GAP43: variants seen among roughly 807,000 people sequenced by gnomAD.
The protein encoded by GAP43 is growth associated protein 43.
A neutral mutation model predicts 18.6 loss-of-function variants in GAP43; 6 were observed. The observed-to-expected ratio is 0.32, with a 90% confidence interval of 0.18 to 0.64. GAP43 has a LOEUF of 0.64. Ranked by LOEUF, GAP43 falls within the 30% of genes least tolerant of loss-of-function variation. GAP43 has a pLI of 0.78. For missense variants in GAP43, 292 were observed against 295.5 expected, an observed-to-expected ratio of 0.99 and a Z score of 0.09; for synonymous variants, 115 against 111.4, an observed-to-expected ratio of 1.03 and a Z score of -0.20.
Position 115,627,289 on chromosome 3 carries a change from A to C in GAP43, c.30+3570A>C, listed in dbSNP as rs375442718. 2.0e-5 allele frequency among the ~76,000 whole-genome samples: 3 copies of C among 149,050 alleles called. No individual in the cohort carries two copies. In the East Asian group the frequency reaches 5.8e-4, roughly 29 times the overall value. On this transcript the variant is annotated intron_variant, in intron 1 of 2. Coordinates refer to ENST00000305124, the MANE Select transcript of GAP43 (RefSeq NM_002045.4). ...GAGCCCTGATCTCTCCTGCTGACAG[A>C]GTCTGTGTAACTCTCTTCCCCACCC...
At chr3:115,696,013 G>GT in intron 2 of GAP43, among the ~76,000 whole-genome samples, 1 of 151,990 alleles carries the variant, frequency 6.6e-6, no homozygotes, top group Non-Finnish European at 1.5e-5. Flanking sequence ...TTACCCCACA[G>GT]CTAAGTTCTT....
chr3:115,704,808 C>A (rs536584051), intron 2 of GAP43, among the ~76,000 whole-genome samples: 3 of 152,112 alleles, frequency 2.0e-5, no homozygotes, highest in Non-Finnish European at 4.4e-5. Flanking sequence ...TGTCTTTGGA[C>A]AAGTCACAAA....
chr3:115,670,529 C>T (rs1028503466), intron 1 of GAP43, among the ~76,000 whole-genome samples: 3 of 152,148 alleles, frequency 2.0e-5, no homozygotes, highest in African/African-American at 7.2e-5. Flanking sequence ...GGGTATTTTA[C>T]TGTATTTTTG....
At chr3:115,648,722 A>G (rs1236321061) in intron 1 of GAP43, among the ~76,000 whole-genome samples, 5 of 152,248 alleles carry the variant, frequency 3.3e-5, no homozygotes, top group Middle Eastern at 3.4e-3. Flanking sequence ...GTTAGAAAGA[A>G]AAGAGCTAAG....
At chr3:115,671,471 G>A (rs188835921) in intron 1 of GAP43, among the ~76,000 whole-genome samples, 4 of 152,278 alleles carry the variant, frequency 2.6e-5, no homozygotes, top group Non-Finnish European at 5.9e-5. Context: ...AAGTAGGGAT[G>A]TCCTACACCT....
chr3:115,705,454 T>C (rs1011280144), intron 2 of GAP43, among the ~76,000 whole-genome samples: 2 of 152,188 alleles, frequency 1.3e-5, no homozygotes, highest in Admixed American at 6.6e-5. Flanking sequence ...TATTAAAACA[T>C]TTAAAATCAT....
intron 2 of GAP43, among the ~76,000 whole-genome samples, chr3:115,689,980 G>A (rs1709084759): frequency 6.6e-6 from 1 of 152,220 alleles, no homozygotes. Context: ...ACTGAGCTGA[G>A]TACCAAGAGA....
At chr3:115,711,746 C>T (rs139667198) in intron 2 of GAP43, among the ~76,000 whole-genome samples, 436 of 152,242 alleles carry the variant, frequency 2.9e-3, no homozygotes, top group Non-Finnish European at 4.5e-3. Context: ...CCCACAGATT[C>T]CACTGCCAGC....
chr3:115,706,865 A>C (rs1336212874), intron 2 of GAP43, among the ~76,000 whole-genome samples: 1 of 152,236 alleles, frequency 6.6e-6, no homozygotes, highest in African/African-American at 2.4e-5. Context: ...TAGAAGAGAA[A>C]AGGTTGAAGA....
At chr3:115,678,485 T>G (rs966903439) in intron 2 of GAP43, among the ~76,000 whole-genome samples, 2 of 152,212 alleles carry the variant, frequency 1.3e-5, no homozygotes, top group Non-Finnish European at 2.9e-5. Flanking sequence ...TTATGATAAC[T>G]AACTGCAAAT....
At chr3:115,627,122 C>A (rs987384586) in intron 1 of GAP43, among the ~76,000 whole-genome samples, 1 of 112,902 alleles carries the variant, frequency 8.9e-6, no homozygotes, top group Admixed American at 1.2e-4. Flanking sequence ...CATTTTCTTT[C>A]TTTTTTCTTT....
intron 2 of GAP43, among the ~76,000 whole-genome samples, chr3:115,720,121 C>T (rs1287230201): frequency 6.6e-6 from 1 of 152,152 alleles, no homozygotes; most frequent in African/African-American, 2.4e-5. Context: ...AGGAGTGGTA[C>T]AGTCACTCAG....
At chr3:115,693,339 C>G (rs78066459) in intron 2 of GAP43, among the ~76,000 whole-genome samples, 3,819 of 152,166 alleles carry the variant, frequency 0.025, 148 homozygotes, top group African/African-American at 0.085. Flanking sequence ...GAAATGCTGC[C>G]CCCTTTCCTC....
At chr3:115,718,985 C>T (rs185510197) in intron 2 of GAP43, among the ~76,000 whole-genome samples, 4 of 152,074 alleles carry the variant, frequency 2.6e-5, no homozygotes, top group Non-Finnish European at 5.9e-5. Flanking sequence ...CCTTAATGAC[C>T]CCATTTCTCT....
At chr3:115,704,796 T>C (rs1709340401) in intron 2 of GAP43, among the ~76,000 whole-genome samples, 1 of 152,102 alleles carries the variant, frequency 6.6e-6, no homozygotes, top group Admixed American at 6.6e-5. Context: ...TAATTAGCTG[T>C]GTGTCTTTGG....
At chr3:115,643,244 A>G (rs939384923) in intron 1 of GAP43, among the ~76,000 whole-genome samples, 3 of 152,078 alleles carry the variant, frequency 2.0e-5, no homozygotes, top group Non-Finnish European at 4.4e-5. Context: ...TGGCAATTAC[A>G]AATTATCCTC....
chr3:115,636,508 G>A (rs1708332646), intron 1 of GAP43, among the ~76,000 whole-genome samples: 1 of 152,064 alleles, frequency 6.6e-6, no homozygotes, highest in Non-Finnish European at 1.5e-5. Context: ...GCATCTAGAT[G>A]GGTACCAGTT....
intron 2 of GAP43, among the ~76,000 whole-genome samples, chr3:115,689,250 C>T (rs1264482669): frequency 1.3e-5 from 2 of 152,176 alleles, no homozygotes; most frequent in Non-Finnish European, 2.9e-5. Context: ...ATTCTTAGTG[C>T]CTAAAACGAC....
intron 2 of GAP43, among the ~76,000 whole-genome samples, chr3:115,698,083 A>G (rs1227238416): frequency 3.2e-5 from 2 of 62,036 alleles, no homozygotes; most frequent in East Asian, 1.2e-3. Context: ...TAATATATAA[A>G]ATATGTATTA....
Sources: allele counts gnomAD v4.1 joint callset (sites outside exome capture counted in the v4.1 genomes callset), GRCh38; gene constraint gnomAD v4.1.1; transcripts MANE v1.5; gene names NCBI Gene and HGNC (gene_info 2026-07-23, HGNC 2026-07-21).